Variants in NRCAM observed in about 807,000 individuals in gnomAD.
NRCAM encodes the protein neuronal cell adhesion molecule, also known as NgCAM-related cell adhesion molecule.
A neutral mutation model predicts 156.5 loss-of-function variants in NRCAM; 83 were observed. The observed-to-expected ratio is 0.53, with a 90% CI of 0.44 to 0.64. The LOEUF (loss-of-function observed/expected upper bound fraction) is 0.64. Among genes scored for constraint, NRCAM ranks in the 30% least tolerant of loss-of-function variants. The probability of loss-of-function intolerance (pLI) is 0.00; values close to 1 mark genes in which losing one functional copy is unlikely to be tolerated. For missense variants in NRCAM, 1,417 were observed against 1,597.3 expected (o/e 0.89, Z 1.92); for synonymous variants, 538 against 563.9 (o/e 0.95, Z 0.65).
At chr7:108,435,677 C>A (rs189186632) in intron 1 of NRCAM, among the ~76,000 whole-genome samples, 1 of 152,128 alleles carries the variant, frequency 6.6e-6, no homozygotes, top group East Asian at 1.9e-4. Flanking sequence ...ATGAAGTAAT[C>A]GGTACAACAA....
intron 1 of NRCAM, among the ~76,000 whole-genome samples, chr7:108,409,246 C>G (rs986897236): frequency 6.6e-6 from 1 of 152,200 alleles, no homozygotes; most frequent in African/African-American, 2.4e-5. Flanking sequence ...TCAGCTAAAA[C>G]AAAACAACAT....
At chr7:108,190,760 T>A (rs983529496) in intron 19 of NRCAM, among the ~76,000 whole-genome samples, 3 of 152,154 alleles carry the variant, frequency 2.0e-5, no homozygotes, top group African/African-American at 7.2e-5. Flanking sequence ...ACATGGTGAG[T>A]CGGTTTTCTC....
intron 2 of NRCAM, among the ~76,000 whole-genome samples, chr7:108,380,607 T>C (rs1001969966): frequency 6.6e-6 from 1 of 152,212 alleles, no homozygotes; most frequent in Non-Finnish European, 1.5e-5. Flanking sequence ...CTGAACTTTT[T>C]GAGGATCTGG....
chr7:108,166,952 C>A lies in NRCAM; in HGVS notation c.3435G>T (p.Val1145=), dbSNP rs1249903893. 6.2e-7 allele frequency: 1 copy of A among 1,613,790 alleles called. No homozygotes were observed. The highest frequency in any genetic ancestry group is 8.5e-7 in the Non-Finnish European group (1 of 1,179,878). ...RVGAVGDSGF[V]SSEDVFETGP... Reference sequence around the variant, plus strand: ...CTGTCTCAAACACATCCTCTGAACTCACAAAACCAGAGTCCCCCACAGCAC... The same window carrying A: ...CTGTCTCAAACACATCCTCTGAACTAACAAAACCAGAGTCCCCCACAGCAC... Residue 1145 remains valine, a synonymous_variant, in exon 30 of 33, where the codon GTG becomes GTT. Transcript: ENST00000379028.
At chr7:108,294,193 G>GTTTTTTTT (rs56717039) in intron 3 of NRCAM, among the ~76,000 whole-genome samples, 6 of 87,930 alleles carry the variant, frequency 6.8e-5, no homozygotes, top group Admixed American at 3.2e-4. Context: ...TTCTTTACTG[G>GTTTTTTTT]TTTTTTTTTT....
chr7:108,322,745 A>G (rs1342972251), intron 2 of NRCAM, among the ~76,000 whole-genome samples: 1 of 152,182 alleles, frequency 6.6e-6, no homozygotes, highest in African/African-American at 2.4e-5. Context: ...TTTTAAGGTT[A>G]TGAAACACTG....
chr7:108,403,545 A>G (rs142213584), intron 1 of NRCAM, among the ~76,000 whole-genome samples: 1 of 152,336 alleles, frequency 6.6e-6, no homozygotes, highest in African/African-American at 2.4e-5. Flanking sequence ...TTGATTGCCA[A>G]TTATCCTGAA....
rs116023165 is a variant in NRCAM at position 108,307,197 on chromosome 7, C to T, written c.-107+5468G>A. Among the ~76,000 whole-genome samples the T allele has an allele frequency of 8.3e-3, 1,263 of 152,280 alleles. 15 individuals carry two copies. The highest frequency in any genetic ancestry group is 0.029 in the African/African-American group (1,192 of 41,546). On this transcript the variant is annotated intron_variant, in intron 3 of 32. Transcript: ENST00000379028. ...CCATGTGTAAAAGGGCTCATGTGAG[C>T]GAAGCAGCAGCCGGGGAGAAGGCAT... is the stretch of plus-strand genomic sequence containing the variant.
At chr7:108,418,666 T>A (rs1373487933) in intron 1 of NRCAM, among the ~76,000 whole-genome samples, 2 of 151,924 alleles carry the variant, frequency 1.3e-5, no homozygotes. Context: ...ATTGAGCACG[T>A]AAGCACTTAG....
chr7:108,199,340 T>C (rs543497234), intron 13 of NRCAM, among the ~76,000 whole-genome samples: 68 of 152,344 alleles, frequency 4.5e-4, no homozygotes, highest in African/African-American at 1.6e-3. Context: ...AAACTCGAAG[T>C]ATTTGGCTCC....
At chr7:108,311,920 CTCTCA>C (rs1461418382) in intron 3 of NRCAM, among the ~76,000 whole-genome samples, 2 of 152,186 alleles carry the variant, frequency 1.3e-5, no homozygotes, top group Admixed American at 1.3e-4. Flanking sequence ...AACAATCGTG[CTCTCA>C]TAATTCCTTA....
At chr7:108,325,316 TC>T (rs1330335677) in intron 2 of NRCAM, among the ~76,000 whole-genome samples, 1 of 152,118 alleles carries the variant, frequency 6.6e-6, no homozygotes, top group African/African-American at 2.4e-5. Context: ...GAACTTTCAT[TC>T]TATCTATGAA....
intron 2 of NRCAM, among the ~76,000 whole-genome samples, chr7:108,320,437 A>T (rs2098987597): frequency 7.3e-6 from 1 of 137,524 alleles, no homozygotes; most frequent in African/African-American, 2.5e-5. Flanking sequence ...ACAGAGCTAG[A>T]CAAAACAAAA....
chr7:108,183,972 A>G (rs1227409849), intron 22 of NRCAM, among the ~76,000 whole-genome samples: 1 of 152,160 alleles, frequency 6.6e-6, no homozygotes, highest in Non-Finnish European at 1.5e-5. Flanking sequence ...ACAGCTGCCT[A>G]ACAGACATGT....
intron 2 of NRCAM, among the ~76,000 whole-genome samples, chr7:108,389,974 AT>A (rs761579819): frequency 6.6e-6 from 1 of 151,894 alleles, no homozygotes; most frequent in East Asian, 1.9e-4. Flanking sequence ...TTTATTGAGG[AT>A]TTTTTCACCG....
At position 108,175,371 on chromosome 7, in the gene NRCAM, A is replaced by C; in HGVS notation, c.3152-14T>G. The C allele has an allele frequency of 6.4e-7, 1 of 1,559,738 alleles. No homozygotes were observed. Among genetic ancestry groups the C allele is most frequent in the Non-Finnish European group, 8.7e-7 (1 of 1,150,360 alleles). On this transcript the variant is annotated splice_polypyrimidine_tract_variant and intron_variant, in intron 27 of 32. Coordinates refer to ENST00000379028, the MANE Select transcript of NRCAM (RefSeq NM_001037132.4). ...GAAGAATACCAGCTTTAATGAAGGG[A>C]AACAGAAATAGGACACTATATAGTT...
At chr7:108,440,843 T>G (rs1021977641) in intron 1 of NRCAM, among the ~76,000 whole-genome samples, 3 of 152,224 alleles carry the variant, frequency 2.0e-5, no homozygotes, top group African/African-American at 7.2e-5. Flanking sequence ...AATATTTTTG[T>G]GTGTGCTGAA....
chr7:108,235,136 G>C (rs2094801172), intron 5 of NRCAM, among the ~76,000 whole-genome samples: 1 of 152,094 alleles, frequency 6.6e-6, no homozygotes, highest in African/African-American at 2.4e-5. Flanking sequence ...AATATATGTT[G>C]GGGACAAATA....
chr7:108,225,191 A>G (rs1489521173), intron 10 of NRCAM, among the ~76,000 whole-genome samples: 1 of 152,202 alleles, frequency 6.6e-6, no homozygotes, highest in East Asian at 1.9e-4. Context: ...TTATATTGAT[A>G]ATGTCACATG....
Sources: allele counts gnomAD v4.1 joint callset (sites outside exome capture counted in the v4.1 genomes callset), GRCh38; gene constraint gnomAD v4.1.1; transcripts MANE v1.5; gene names NCBI Gene and HGNC (gene_info 2026-07-23, HGNC 2026-07-21).